The following SLC30A7 variants were observed in gnomAD, a reference collection of about 807,000 sequenced individuals.
SLC30A7 encodes the protein zinc transporter 7.
SLC30A7 carries 35 observed loss-of-function variants against 46.0 expected under a neutral mutation model. The ratio of observed to expected loss-of-function variants is 0.76; its 90% CI spans 0.58 to 1.01. SLC30A7 has a LOEUF of 1.01. SLC30A7 is among the 50% of genes least tolerant of loss of function. The probability of loss-of-function intolerance (pLI) is 0.00; values close to 1 mark genes in which losing one functional copy is unlikely to be tolerated. For missense variants in SLC30A7, 464 were observed against 451.1 expected, an observed-to-expected ratio of 1.03 and a Z score of -0.26; for synonymous variants, 147 against 157.8, an observed-to-expected ratio of 0.93 and a Z score of 0.51.
chr1:100,911,005 C>T (rs1328585151), intron 3 of SLC30A7, 58 bp from the exon 4 acceptor site: 19 of 1,341,322 alleles, frequency 1.4e-5, no homozygotes, highest in East Asian at 2.4e-5. Context: ...TGTAATTTTA[C>T]GATTTAATTT....
At chr1:100,941,440 A>T in intron 8 of SLC30A7, 1 of 424,624 alleles carries the variant, frequency 2.4e-6, no homozygotes, top group Non-Finnish European at 4.5e-6. Flanking sequence ...CAGCTTCCCT[A>T]ATTTCACAAT....
At chr1:100,949,101 G>A (rs1261037127) in intron 8 of SLC30A7, among the ~76,000 whole-genome samples, 5 of 152,154 alleles carry the variant, frequency 3.3e-5, no homozygotes, top group African/African-American at 9.7e-5. Flanking sequence ...AGGAGAAGAG[G>A]CGCTCTGGTT....
At position 100,896,568 on chromosome 1, in the gene SLC30A7, A is replaced by G. The variant is rs1449544941; in HGVS notation, c.81-2A>G. On this transcript the variant is annotated splice_acceptor_variant, in intron 1 of 10. Coordinates refer to ENST00000357650, the MANE Select transcript of SLC30A7 (RefSeq NM_133496.5). LOFTEE classifies it high-confidence loss of function. Reference sequence around the variant, plus strand: ...GCTCTTTTCCACGTGTATCATTCCCAGGTCTATACTGTCCGACAAGACTTC... The same window carrying G: ...GCTCTTTTCCACGTGTATCATTCCCGGGTCTATACTGTCCGACAAGACTTC... 9 of 1,613,270 alleles carry G rather than the reference A, an allele frequency of 5.6e-6. No homozygotes were observed. The South Asian group carries it at 8.8e-5, about 16-fold the overall frequency.
chr1:100,941,139 T>G (rs557258757), intron 8 of SLC30A7: 13 of 336,124 alleles, frequency 3.9e-5, no homozygotes, highest in South Asian at 3.8e-4. Flanking sequence ...CACCAAAGTT[T>G]CCTTCCTTCA....
intron 3 of SLC30A7, among the ~76,000 whole-genome samples, chr1:100,908,446 G>T (rs1651838761): frequency 6.6e-6 from 1 of 152,174 alleles, no homozygotes; most frequent in Non-Finnish European, 1.5e-5. Flanking sequence ...GCTATATATT[G>T]TGACAGTTGC....
At chr1:100,924,871 C>G (rs1422940625) in intron 8 of SLC30A7, among the ~76,000 whole-genome samples, 2 of 152,026 alleles carry the variant, frequency 1.3e-5, no homozygotes, top group African/African-American at 2.4e-5. Flanking sequence ...CTGAATATAA[C>G]ACACATGAAG....
Position 100,896,633 on chromosome 1 carries a change from C to G in SLC30A7, c.144C>G (p.Phe48Leu). ...LFFFLCLNLS[F>L]AFVELLYGIW... ...TCTTCCTGTGCCTGAACCTCTCTTT[C>G]GCTTTTGTGGAACTACTCTACGGCA... The change falls in exon 2 of 11, where the codon TTC becomes TTG. Residue 48 changes from phenylalanine (F) to leucine (L), a missense_variant. Coordinates refer to ENST00000357650, the MANE Select transcript of SLC30A7 (RefSeq NM_133496.5). The G allele has an allele frequency of 6.2e-7, 1 of 1,614,118 alleles. No individual in the cohort carries two copies. Among genetic ancestry groups the G allele is most frequent in the Non-Finnish European group, 8.5e-7 (1 of 1,180,010 alleles).
chr1:100,930,855 T>G (rs1244401672), intron 8 of SLC30A7, among the ~76,000 whole-genome samples: 1 of 152,140 alleles, frequency 6.6e-6, no homozygotes, highest in Non-Finnish European at 1.5e-5. Flanking sequence ...AAAACCATCA[T>G]AGTAAGAACA....
intron 8 of SLC30A7, among the ~76,000 whole-genome samples, chr1:100,953,996 T>G (rs530746613): frequency 6.6e-6 from 1 of 152,208 alleles, no homozygotes; most frequent in South Asian, 2.1e-4. Context: ...GGCTCTTCAC[T>G]GTTATGCTAT....
Position 100,904,157 on chromosome 1 carries a change from A to T in SLC30A7, c.183-2695A>T, listed in dbSNP as rs143502144. On this transcript the variant is annotated intron_variant, in intron 2 of 10. Coordinates refer to ENST00000357650, the MANE Select transcript of SLC30A7 (RefSeq NM_133496.5). ...TAACTTACTGGTCACGGAACTAGTA[A>T]ATTTGGAGCTGGGATTTGAACCCAG... Among the ~76,000 whole-genome samples the T allele has an allele frequency of 3.3e-3, 497 of 152,256 alleles. 3 individuals carry two copies. Among genetic ancestry groups the T allele is most frequent in the Non-Finnish European group, 5.3e-3 (358 of 68,016 alleles).
At chr1:100,912,855 G>A (rs955046136) in intron 5 of SLC30A7, among the ~76,000 whole-genome samples, 2 of 151,580 alleles carry the variant, frequency 1.3e-5, no homozygotes, top group African/African-American at 2.4e-5. Context: ...TCCAACCTGG[G>A]TGACAGAGCA....
At chr1:100,947,346 T>G (rs11578655) in intron 8 of SLC30A7, among the ~76,000 whole-genome samples, 17,405 of 152,258 alleles carry the variant, frequency 0.11, 1,061 homozygotes, top group Middle Eastern at 0.22. Context: ...GGTTGTTCAG[T>G]TTCCATGTAC....
chr1:100,982,503 C>T (rs573897759), downstream of SLC30A7, among the ~76,000 whole-genome samples: 2 of 152,328 alleles, frequency 1.3e-5, no homozygotes, highest in South Asian at 2.1e-4. Context: ...ACCAATTTGT[C>T]GGAATTCTTC....
intron 3 of SLC30A7, among the ~76,000 whole-genome samples, 193 bp from the exon 4 acceptor site, chr1:100,910,870 A>G (rs191145086): frequency 6.6e-6 from 1 of 152,264 alleles, no homozygotes; most frequent in East Asian, 1.9e-4. Context: ...TCTGCTTTTG[A>G]ACAATTCGTA....
intron 10 of SLC30A7, among the ~76,000 whole-genome samples, chr1:100,973,597 G>C (rs763914007): frequency 3.3e-5 from 5 of 152,110 alleles, no homozygotes; most frequent in African/African-American, 4.8e-5. Flanking sequence ...CCGTGAATAA[G>C]TTGTATAATA....
chr1:100,993,559 AATATATATATATAT>A, the SLC30A7 span, among the ~76,000 whole-genome samples: 1,065 of 56,554 alleles, frequency 0.019, 80 homozygotes, highest in African/African-American at 0.051. Flanking sequence ...CGAAAATATA[AATATATATATATAT>A]ATATATATAT....
At chr1:100,897,141 G>A (rs1413266709) in intron 2 of SLC30A7, among the ~76,000 whole-genome samples, 1 of 151,998 alleles carries the variant, frequency 6.6e-6, no homozygotes, top group Non-Finnish European at 1.5e-5. Context: ...GTGATATCGG[G>A]AGGAATATGT....
At chr1:100,940,944 CG>C (rs68126059) in intron 8 of SLC30A7, 37,857 of 384,066 alleles carry the variant, frequency 0.099, 2,097 homozygotes, top group Middle Eastern at 0.15. Context: ...TTCACAAATC[CG>C]TTGTAACCTG....
At chr1:100,950,275 G>GGTTA (rs1654886288) in intron 8 of SLC30A7, among the ~76,000 whole-genome samples, 1 of 152,122 alleles carries the variant, frequency 6.6e-6, no homozygotes. Flanking sequence ...ATTTTAATAT[G>GGTTA]GTTAGCATCC....
Sources: gnomAD v4.1 joint callset for allele counts (sites outside exome capture counted in the v4.1 genomes callset) on GRCh38, gnomAD v4.1.1 for gene constraint, MANE v1.5 for transcripts, NCBI Gene and HGNC (gene_info 2026-07-23, HGNC 2026-07-21) for gene names.